Variants in FFAR4 observed in about 807,000 individuals in gnomAD.
FFAR4 encodes G-protein coupled receptor 120.
A neutral mutation model predicts 27.0 loss-of-function variants in FFAR4; 19 were observed. The ratio of observed to expected loss-of-function variants is 0.70; its 90% CI spans 0.49 to 1.03. FFAR4 has a LOEUF of 1.03. Among genes scored for constraint, FFAR4 ranks in the 50% least tolerant of loss-of-function variants. The pLI, the probability that FFAR4 is intolerant of heterozygous loss-of-function variation, is 0.00. For synonymous variants in FFAR4, 254 were observed against 215.6 expected, an observed-to-expected ratio of 1.18 and a Z score of -1.56; for missense variants, 476 against 479.0, an observed-to-expected ratio of 0.99 and a Z score of 0.06.
At chr10:93,581,501 C>T (rs892444678) in intron 2 of FFAR4, among the ~76,000 whole-genome samples, 2 of 152,168 alleles carry the variant, frequency 1.3e-5, no homozygotes, top group Non-Finnish European at 2.9e-5. Flanking sequence ...TCTACCCATC[C>T]CCACATGTTG....
rs181689093 is a variant in FFAR4, at chr10:93,577,225, C to G, written c.696+1006C>G. 2.2e-4 allele frequency among the ~76,000 whole-genome samples: 34 copies of G among 152,326 alleles called. 1 individual carries two copies. The East Asian group carries it at 4.0e-3, about 18-fold the overall frequency. On this transcript the variant is annotated intron_variant, in intron 2 of 2. Transcript: ENST00000371481. ...ATTTTAGAAGGTTTAATGCAAAGCC[C>G]TTGAATCCTCGTGGAGGTTTATAGT...
intron 1 of FFAR4, among the ~76,000 whole-genome samples, chr10:93,569,743 G>A (rs934126786): frequency 1.9e-4 from 29 of 151,004 alleles, no homozygotes; most frequent in African/African-American, 6.8e-4. Context: ...TAGAGGTGAG[G>A]TGGGAAAGCT....
At position 93,589,991 on chromosome 10, in the gene FFAR4, C is replaced by T. The variant is rs1298108879; in HGVS notation, c.*2382C>T. 6.6e-6 allele frequency: 1 copy of T among 152,196 alleles called. No individual in the cohort carries two copies. Among genetic ancestry groups the T allele is most frequent in the Non-Finnish European group, 1.5e-5 (1 of 68,036 alleles). 9.4% of individuals were successfully genotyped at this position (152,196 alleles called of 1,614,324 possible). Reference sequence around the variant, plus strand: ...TCTGAAGTCAGATTCATGGATATCACAAGCTCGAAGACAAACGAACAGAGA... The same window carrying T: ...TCTGAAGTCAGATTCATGGATATCATAAGCTCGAAGACAAACGAACAGAGA... On this transcript the variant is annotated 3_prime_UTR_variant, in exon 3 of 3. Transcript: ENST00000371481.
chr10:93,577,394 G>T (rs921588108), intron 2 of FFAR4, among the ~76,000 whole-genome samples: 1 of 152,056 alleles, frequency 6.6e-6, no homozygotes, highest in Non-Finnish European at 1.5e-5. Flanking sequence ...CTTCTTAGAC[G>T]CTCAGAACCC....
At chr10:93,572,850 G>A (rs2058140069) in intron 1 of FFAR4, among the ~76,000 whole-genome samples, 1 of 152,194 alleles carries the variant, frequency 6.6e-6, no homozygotes, top group Admixed American at 6.5e-5. Flanking sequence ...GTAGATTGGA[G>A]CTTTACCTGC....
At position 93,566,717 on chromosome 10, in the gene FFAR4, G is replaced by A. The variant is rs1260621991; in HGVS notation, c.-4G>A. The A allele has an allele frequency of 6.4e-7, 1 of 1,573,052 alleles. No individual in the cohort carries two copies. Among genetic ancestry groups the A allele is most frequent in the Non-Finnish European group, 8.6e-7 (1 of 1,164,284 alleles). On this transcript the variant is annotated 5_prime_UTR_variant, in exon 1 of 3. Coordinates refer to ENST00000371481, the MANE Select transcript of FFAR4 (RefSeq NM_001195755.2). ...AGACCGCTGCGGGCCGCCAGGCGCC[G>A]GGAATGTCCCCTGAATGCGCGCGGG... is the stretch of plus-strand genomic sequence containing the variant.
In FFAR4 at chr10:93,587,231, A is replaced by T; in HGVS notation, c.708A>T (p.Ala236=). 1.2e-6 allele frequency: 2 copies of T among 1,613,280 alleles called. No individual in the cohort carries two copies. The highest frequency in any genetic ancestry group is 1.1e-5 in the South Asian group (1 of 90,986). Residue 236 remains alanine, a synonymous_variant, in exon 3 of 3, where the codon GCA becomes GCT. Transcript: ENST00000371481. ...SYSKILQITK[A]SRKRLTVSLA... ...TTGGTTTTCCACAGATCACAAAGGC[A>T]TCAAGGAAGAGGCTCACGGTAAGCC...
At chr10:93,572,474 G>A (rs2058137201) in intron 1 of FFAR4, among the ~76,000 whole-genome samples, 1 of 152,216 alleles carries the variant, frequency 6.6e-6, no homozygotes, top group Non-Finnish European at 1.5e-5. Context: ...CGTTGGCAGA[G>A]GAGAGGGAGA....
At chr10:93,584,962 C>T (rs1047407331) in intron 2 of FFAR4, among the ~76,000 whole-genome samples, 48 of 152,190 alleles carry the variant, frequency 3.2e-4, no homozygotes, top group Admixed American at 8.5e-4. Context: ...CCCGCCTCAG[C>T]CTCCCAAAGC....
chr10:93,579,150 C>G, intron 2 of FFAR4: 2 of 1,613,918 alleles, frequency 1.2e-6, no homozygotes, highest in South Asian at 1.1e-5. Flanking sequence ...TCACTTCTCC[C>G]CATTACAGAC....
chr10:93,582,544 CA>C (rs56934747), intron 2 of FFAR4, among the ~76,000 whole-genome samples: 55,516 of 99,022 alleles, frequency 0.56, 14,660 homozygotes, highest in East Asian at 0.76. Flanking sequence ...AACTCCATCT[CA>C]AAAAAAAAAA....
intron 2 of FFAR4, among the ~76,000 whole-genome samples, chr10:93,578,633 G>T (rs2058179926): frequency 6.6e-6 from 1 of 152,130 alleles, no homozygotes; most frequent in South Asian, 2.1e-4. Flanking sequence ...TTGTTGTGAG[G>T]CATGTAGGAG....
At chr10:93,577,432 T>C (rs1008385360) in intron 2 of FFAR4, among the ~76,000 whole-genome samples, 5 of 152,206 alleles carry the variant, frequency 3.3e-5, no homozygotes, top group African/African-American at 4.8e-5. Context: ...CATCCAGGTC[T>C]GCTAATCCCT....
rs796780671 is a variant in FFAR4 at position 93,568,954 on chromosome 10, T to A, written c.567+1667T>A. 3.2e-4 allele frequency among the ~76,000 whole-genome samples: 48 copies of A among 152,240 alleles called. 1 individual carries two copies. The highest frequency in any genetic ancestry group is 1.1e-3 in the African/African-American group (46 of 41,548). On this transcript the variant is annotated intron_variant, in intron 1 of 2. Transcript: ENST00000371481. Reference sequence around the variant, plus strand: ...AGCCAGGATTAGCTGAGCTGGTGGGTGCCATTTATGGGCAGACCAAGGGCT... The same window carrying A: ...AGCCAGGATTAGCTGAGCTGGTGGGAGCCATTTATGGGCAGACCAAGGGCT...
rs1192076910 is a variant in FFAR4, at chr10:93,567,021, A to G, written c.301A>G (p.Thr101Ala). ...AIPLVLAVRW[T>A]EAWLLGPVAC... ...CCCTCTGGTGCTGGCCGTGCGCTGGACTGAGGCCTGGCTGCTGGGCCCCGT... is the reference window on the plus strand; with the variant it reads ...CCCTCTGGTGCTGGCCGTGCGCTGGGCTGAGGCCTGGCTGCTGGGCCCCGT... Residue 101 changes from threonine to alanine, a missense_variant, in exon 1 of 3, where the codon ACT (threonine) becomes GCT (alanine). Physicochemically the swap from Thr to Ala is moderately conservative, Grantham distance 58 (BLOSUM62 0). Transcript: ENST00000371481. 6.2e-7 allele frequency: 1 copy of G among 1,611,742 alleles called. No individual in the cohort carries two copies. The highest frequency in any genetic ancestry group is 8.5e-7 in the Non-Finnish European group (1 of 1,179,834).
chr10:93,577,462 C>G (rs1386797247), intron 2 of FFAR4, among the ~76,000 whole-genome samples: 1 of 152,090 alleles, frequency 6.6e-6, no homozygotes, highest in Non-Finnish European at 1.5e-5. Context: ...GGGAGATGGC[C>G]CCTCCATGTC....
chr10:93,573,673 G>C (rs1192286911), intron 1 of FFAR4, among the ~76,000 whole-genome samples: 1 of 152,180 alleles, frequency 6.6e-6, no homozygotes, highest in Non-Finnish European at 1.5e-5. Context: ...CAGTTGCACT[G>C]CCTCTCAGTT....
At chr10:93,578,871 A>G (rs2058181990) in intron 2 of FFAR4, among the ~76,000 whole-genome samples, 5 of 152,202 alleles carry the variant, frequency 3.3e-5, no homozygotes, top group Admixed American at 3.3e-4. Context: ...GGGCGGCAGC[A>G]TTTGACCTCC....
chr10:93,567,218 G>C lies in FFAR4; in HGVS notation c.498G>C (p.Ser166=). The C allele has an allele frequency of 4.4e-6, 7 of 1,601,644 alleles. No individual in the cohort carries two copies. Among genetic ancestry groups the C allele is most frequent in the Non-Finnish European group, 5.9e-6 (7 of 1,179,466 alleles). ...AVLLALIWGY[S]AVAALPLCVF... Reference sequence around the variant, plus strand: ...TGCTGGCGCTCATCTGGGGCTATTCGGCGGTCGCCGCTCTGCCTCTCTGCG... The same window carrying C: ...TGCTGGCGCTCATCTGGGGCTATTCCGCGGTCGCCGCTCTGCCTCTCTGCG... Residue 166 remains serine (S), a synonymous_variant, in exon 1 of 3, where the codon TCG becomes TCC. Transcript: ENST00000371481.
Sources: gnomAD v4.1 joint callset for allele counts (sites outside exome capture counted in the v4.1 genomes callset) on GRCh38, gnomAD v4.1.1 for gene constraint, MANE v1.5 for transcripts, NCBI Gene and HGNC (gene_info 2026-07-23, HGNC 2026-07-21) for gene names.